Variants in FRMD3 observed in about 807,000 individuals in gnomAD.
The protein encoded by FRMD3 is FERM domain containing 3.
FRMD3 carries 33 observed loss-of-function variants against 70.2 expected under a neutral mutation model. The observed-to-expected ratio is 0.47, with a 90% CI of 0.36 to 0.63. The LOEUF (loss-of-function observed/expected upper bound fraction) is 0.63. Among genes scored for constraint, FRMD3 ranks in the 20% least tolerant of loss-of-function variants. The probability of loss-of-function intolerance (pLI) is 0.00; values close to 1 mark genes in which losing one functional copy is unlikely to be tolerated. For missense variants in FRMD3, 632 were observed against 711.4 expected, an observed-to-expected ratio of 0.89 and a Z score of 1.27; for synonymous variants, 279 against 255.9, an observed-to-expected ratio of 1.09 and a Z score of -0.86.
At chr9:83,290,055 G>A (rs922242800) in intron 13 of FRMD3, among the ~76,000 whole-genome samples, 1 of 152,156 alleles carries the variant, frequency 6.6e-6, no homozygotes, top group African/African-American at 2.4e-5. Flanking sequence ...CAAGAAGCCT[G>A]GGGGAATAAA....
At chr9:83,402,704 A>G (rs1825982392) in intron 1 of FRMD3, among the ~76,000 whole-genome samples, 1 of 152,122 alleles carries the variant, frequency 6.6e-6, no homozygotes, top group Admixed American at 6.6e-5. Context: ...GCTCAGACAC[A>G]TTTTTAAAGA....
chr9:83,394,832 G>A lies in FRMD3; in HGVS notation c.148-5124C>T, dbSNP rs922297726. Among the ~76,000 whole-genome samples the A allele has an allele frequency of 5.3e-5, 8 of 152,216 alleles. 1 individual carries two copies. Among genetic ancestry groups the A allele is most frequent in the East Asian group, 1.9e-4 (1 of 5,184 alleles). On this transcript the variant is annotated intron_variant, in intron 1 of 13. Transcript: ENST00000304195. ...AGTATGTACTAGGAAAACAGAAGAT[G>A]CCACTGTGTTCTAATCTTGTTTTCA...
chr9:83,393,713 T>G (rs559745305), intron 1 of FRMD3, among the ~76,000 whole-genome samples: 1 of 152,066 alleles, frequency 6.6e-6, no homozygotes, highest in South Asian at 2.1e-4. Context: ...CCCATGAGAA[T>G]CTAATGCTGC....
intron 1 of FRMD3, among the ~76,000 whole-genome samples, chr9:83,494,094 G>A (rs576374382): frequency 4.0e-4 from 61 of 152,310 alleles, no homozygotes; most frequent in African/African-American, 1.5e-3. Context: ...AAGAATCCAT[G>A]GGTGTAGCAG....
chr9:83,370,158 T>TA (rs1342174799), intron 3 of FRMD3, among the ~76,000 whole-genome samples: 1 of 152,194 alleles, frequency 6.6e-6, no homozygotes, highest in Non-Finnish European at 1.5e-5. Context: ...TGAAAGGTGA[T>TA]ACGAGCATAA....
chr9:83,474,830 G>A (rs1027689273), intron 1 of FRMD3, among the ~76,000 whole-genome samples: 4 of 151,700 alleles, frequency 2.6e-5, no homozygotes, highest in African/African-American at 9.7e-5. Context: ...GGAAGCAAAG[G>A]AGAAAACAGC....
intron 13 of FRMD3, among the ~76,000 whole-genome samples, chr9:83,266,296 T>A (rs1243752522): frequency 6.6e-6 from 1 of 152,210 alleles, no homozygotes; most frequent in African/African-American, 2.4e-5. Context: ...TTCGTCTCAA[T>A]TCACTTAGAA....
In FRMD3 at chr9:83,309,537, T is replaced by C; in HGVS notation, c.925A>G (p.Lys309Glu). The C allele has an allele frequency of 6.3e-7, 1 of 1,576,240 alleles. No homozygotes were observed. Among genetic ancestry groups the C allele is most frequent in the Non-Finnish European group, 8.6e-7 (1 of 1,159,686 alleles). Residue 309 changes from lysine (K) to glutamate (E), a missense_variant and splice_region_variant, in exon 10 of 14, where the codon AAG (lysine) becomes GAG (glutamate). Transcript: ENST00000304195. ...KCGVENQAFYKYAKSSQIKTV... is the reference protein window; with the variant it reads ...KCGVENQAFYEYAKSSQIKTV... ...ATTAAATGAATAAAAGCCACTTACT[T>C]ATAAAAGGCCTGGTTTTCCACTCCA...
chr9:83,564,625 G>T, the FRMD3 span, among the ~76,000 whole-genome samples: 1 of 152,150 alleles, frequency 6.6e-6, no homozygotes, highest in Admixed American at 6.5e-5. Flanking sequence ...TCCAAATCTT[G>T]TTGTGATGTG....
chr9:83,522,654 C>T (rs1387157996), intron 1 of FRMD3, among the ~76,000 whole-genome samples: 2 of 150,666 alleles, frequency 1.3e-5, no homozygotes, highest in African/African-American at 2.4e-5. Context: ...AGCTCCGCCT[C>T]CCAGGTTCAC....
chr9:83,331,363 T>C (rs1836255898), intron 6 of FRMD3, among the ~76,000 whole-genome samples: 1 of 152,172 alleles, frequency 6.6e-6, no homozygotes, highest in African/African-American at 2.4e-5. Context: ...GACTACACAT[T>C]GTATGATTCC....
At chr9:83,363,744 C>T (rs1481842647) in intron 3 of FRMD3, among the ~76,000 whole-genome samples, 6 of 151,968 alleles carry the variant, frequency 3.9e-5, no homozygotes, top group East Asian at 3.9e-4. Context: ...TTAGTAGAGA[C>T]GGGGTTTCAC....
At chr9:83,532,438 C>T (rs938012184) in intron 1 of FRMD3, among the ~76,000 whole-genome samples, 1 of 152,186 alleles carries the variant, frequency 6.6e-6, no homozygotes, top group African/African-American at 2.4e-5. Context: ...AAAGGACTCT[C>T]TCATAATTTT....
chr9:83,390,114 T>C (rs1356132159), intron 1 of FRMD3, among the ~76,000 whole-genome samples: 2 of 152,234 alleles, frequency 1.3e-5, no homozygotes, highest in Non-Finnish European at 2.9e-5. Context: ...CGGTACATAT[T>C]CATTCATCCA....
chr9:83,555,947 C>T, the FRMD3 span, among the ~76,000 whole-genome samples: 1 of 152,176 alleles, frequency 6.6e-6, no homozygotes, highest in African/African-American at 2.4e-5. Flanking sequence ...GGGAGGATCC[C>T]CTGGCTCCAT....
At chr9:83,315,792 G>C (rs757936364) in intron 6 of FRMD3, among the ~76,000 whole-genome samples, 8 of 152,210 alleles carry the variant, frequency 5.3e-5, no homozygotes, top group Non-Finnish European at 8.8e-5. Flanking sequence ...GAAGGTTCTA[G>C]TTCTAGGCAC....
chr9:83,519,953 T>C (rs1458933294), intron 1 of FRMD3, among the ~76,000 whole-genome samples: 3 of 151,766 alleles, frequency 2.0e-5, no homozygotes, highest in African/African-American at 4.9e-5. Flanking sequence ...TGAGAACATA[T>C]GGGCACAGGG....
intron 1 of FRMD3, among the ~76,000 whole-genome samples, chr9:83,435,653 C>A (rs982507280): frequency 6.6e-6 from 1 of 151,794 alleles, no homozygotes; most frequent in Non-Finnish European, 1.5e-5. Flanking sequence ...ATGAAAGAAC[C>A]TTTTGTTTTG....
At chr9:83,311,026 T>C (rs1835330371) in intron 8 of FRMD3, among the ~76,000 whole-genome samples, 1 of 152,196 alleles carries the variant, frequency 6.6e-6, no homozygotes, top group Non-Finnish European at 1.5e-5. Flanking sequence ...ATTGTGTTCT[T>C]ATATATTGGA....
Sources: gnomAD v4.1 joint callset for allele counts (sites outside exome capture counted in the v4.1 genomes callset) on GRCh38, gnomAD v4.1.1 for gene constraint, MANE v1.5 for transcripts, NCBI Gene and HGNC (gene_info 2026-07-23, HGNC 2026-07-21) for gene names.